Variants in RBFOX1 observed in about 807,000 individuals in gnomAD.
RBFOX1 encodes the protein RNA binding fox-1 homolog 1.
Under a neutral mutation model 57.7 loss-of-function variants are expected in RBFOX1, and 8 were observed. The observed-to-expected ratio is 0.14, with a 90% CI of 0.08 to 0.25. RBFOX1 has a LOEUF of 0.25. Among genes scored for constraint, RBFOX1 ranks in the 10% least tolerant of loss-of-function variants. RBFOX1 has a pLI of 1.00. For missense variants in RBFOX1, 611 were observed against 548.5 expected, an observed-to-expected ratio of 1.11 and a Z score of -1.14; for synonymous variants, 326 against 222.4, an observed-to-expected ratio of 1.47 and a Z score of -4.15.
chr16:5,819,840 A>G (rs970747431), intron 3 of RBFOX1, among the ~76,000 whole-genome samples: 3 of 152,178 alleles, frequency 2.0e-5, no homozygotes, highest in Non-Finnish European at 4.4e-5. Context: ...CCCAGAAATG[A>G]TGGATAAATG....
chr16:6,683,471 A>G (rs904387754), intron 3 of RBFOX1, among the ~76,000 whole-genome samples: 3 of 152,210 alleles, frequency 2.0e-5, no homozygotes, highest in African/African-American at 7.2e-5. Context: ...AGAAAAAAAT[A>G]CCTGTAATAT....
At chr16:7,448,970 C>T (rs2150136592) in intron 4 of RBFOX1, among the ~76,000 whole-genome samples, 1 of 68,004 alleles carries the variant, frequency 1.5e-5, no homozygotes, top group East Asian at 5.5e-4. Context: ...GCTCTTGTTG[C>T]CCAGGCTGGA....
rs184199836 is a variant in RBFOX1, at chr16:5,271,409, C to T, written c.219+31304C>T. Among the ~76,000 whole-genome samples the T allele has an allele frequency of 1.5e-4, 23 of 152,334 alleles. No individual in the cohort carries two copies. The East Asian group carries it at 3.1e-3, about 20-fold the overall frequency. ...TACATACATACCCAGGCTCTACCTC[C>T]GGTGATTCCGACTCAGTAGGGCTGG... On this transcript the variant is annotated intron_variant, in intron 1 of 2. Transcript: ENST00000585867.
At chr16:5,927,297 C>T (rs954987779) in intron 4 of RBFOX1, among the ~76,000 whole-genome samples, 3 of 152,154 alleles carry the variant, frequency 2.0e-5, no homozygotes, top group Non-Finnish European at 2.9e-5. Flanking sequence ...ATGTGTGTGG[C>T]AAACAGACTT....
chr16:6,029,603 C>T (rs923176949), intron 1 of RBFOX1, among the ~76,000 whole-genome samples: 8 of 150,612 alleles, frequency 5.3e-5, no homozygotes, highest in Non-Finnish European at 1.0e-4. Context: ...GAAACCCCGT[C>T]TCTACTAAAA....
At chr16:7,574,797 C>T (rs978714243) in intron 5 of RBFOX1, among the ~76,000 whole-genome samples, 4 of 152,096 alleles carry the variant, frequency 2.6e-5, no homozygotes, top group Admixed American at 6.6e-5. Context: ...CAGTGTTAAC[C>T]GTCACAACTC....
intron 3 of RBFOX1, among the ~76,000 whole-genome samples, chr16:5,737,899 C>G (rs1306622770): frequency 6.6e-6 from 1 of 151,902 alleles, no homozygotes; most frequent in Non-Finnish European, 1.5e-5. Context: ...GACACATGTG[C>G]AGAACGTGCA....
chr16:5,821,828 C>A (rs1297254668), intron 3 of RBFOX1, among the ~76,000 whole-genome samples: 2 of 152,166 alleles, frequency 1.3e-5, no homozygotes, highest in African/African-American at 4.8e-5. Context: ...TGCATCCTCA[C>A]ATGGTGAAAG....
At chr16:5,913,709 T>G (rs2058650878) in intron 4 of RBFOX1, among the ~76,000 whole-genome samples, 1 of 152,214 alleles carries the variant, frequency 6.6e-6, no homozygotes, top group African/African-American at 2.4e-5. Flanking sequence ...TATCACCAGA[T>G]CCTTGCTCAA....
At chr16:6,993,786 A>G (rs1568273470) in intron 3 of RBFOX1, among the ~76,000 whole-genome samples, 1 of 152,138 alleles carries the variant, frequency 6.6e-6, no homozygotes, top group East Asian at 1.9e-4. Context: ...GCCATCCTGG[A>G]GCATGGAAAC....
At chr16:6,082,445 A>C (rs2096017896) in intron 1 of RBFOX1, among the ~76,000 whole-genome samples, 1 of 138,996 alleles carries the variant, frequency 7.2e-6, no homozygotes, top group African/African-American at 2.7e-5. Context: ...CTGGGATTAC[A>C]GGTTTGAGCC....
rs144260417 is a variant in RBFOX1, at chr16:7,317,937, A to G, written c.28-200210A>G. On this transcript the variant is annotated intron_variant, in intron 4 of 15. Transcript: ENST00000550418. ...AGCAAACAGAAGGAGCTCAATACAT[A>G]CTTCTACTTTTGATGCTGGAGGTGA... 3.9e-5 allele frequency among the ~76,000 whole-genome samples: 6 copies of G among 152,262 alleles called. No individual in the cohort carries two copies. In the East Asian group the frequency reaches 7.7e-4, roughly 20 times the overall value.
intron 1 of RBFOX1, among the ~76,000 whole-genome samples, chr16:6,050,611 C>T (rs1297156441): frequency 1.3e-5 from 2 of 152,080 alleles, no homozygotes; most frequent in East Asian, 3.9e-4. Flanking sequence ...CATCCATTGA[C>T]CATGGATGCT....
At chr16:5,732,688 C>T (rs979656689) in intron 3 of RBFOX1, among the ~76,000 whole-genome samples, 1 of 152,148 alleles carries the variant, frequency 6.6e-6, no homozygotes, top group South Asian at 2.1e-4. Flanking sequence ...TCTAAGATCA[C>T]ATCTATCCAT....
At chr16:6,980,625 A>G (rs569526597) in intron 3 of RBFOX1, among the ~76,000 whole-genome samples, 20 of 152,320 alleles carry the variant, frequency 1.3e-4, no homozygotes, top group African/African-American at 4.6e-4. Flanking sequence ...AAAAACTCCA[A>G]TTATCAGAAG....
At chr16:6,195,168 T>A (rs1449629135) in intron 1 of RBFOX1, among the ~76,000 whole-genome samples, 1 of 152,160 alleles carries the variant, frequency 6.6e-6, no homozygotes. Context: ...ATACGACATA[T>A]TTTCCTTTAT....
intron 2 of RBFOX1, among the ~76,000 whole-genome samples, chr16:6,449,906 C>T (rs561672970): frequency 9.9e-5 from 15 of 152,156 alleles, no homozygotes; most frequent in Non-Finnish European, 1.9e-4. Context: ...GTTTTCCCTT[C>T]ATTTCTCCAG....
chr16:6,670,598 C>T (rs927133507), intron 3 of RBFOX1, among the ~76,000 whole-genome samples: 4 of 152,122 alleles, frequency 2.6e-5, no homozygotes, highest in African/African-American at 7.2e-5. Context: ...TATGAAAATG[C>T]AAATTAAAAC....
At chr16:7,405,420 C>T (rs1439692528) in intron 4 of RBFOX1, among the ~76,000 whole-genome samples, 1 of 152,174 alleles carries the variant, frequency 6.6e-6, no homozygotes, top group Non-Finnish European at 1.5e-5. Flanking sequence ...TGCCAGAGAA[C>T]ATTGAGCGGA....
Sources: allele counts gnomAD v4.1 joint callset (sites outside exome capture counted in the v4.1 genomes callset), GRCh38; gene constraint gnomAD v4.1.1; transcripts MANE v1.5; gene names NCBI Gene and HGNC (gene_info 2026-07-23, HGNC 2026-07-21).